FHIT: variants seen among roughly 807,000 people sequenced by gnomAD.
The protein encoded by FHIT is bis(5'-adenosyl)-triphosphatase.
A neutral mutation model predicts 17.9 loss-of-function variants in FHIT; 19 were observed. The observed-to-expected ratio is 1.06, with a 90% CI of 0.74 to 1.56. FHIT has a LOEUF of 1.56. Ranked by LOEUF, FHIT falls within the 40% of genes most tolerant of loss-of-function variation. The pLI is 0.00. For missense variants in FHIT, 248 were observed against 189.2 expected (o/e 1.31, Z -1.82); for synonymous variants, 81 against 69.7 (o/e 1.16, Z -0.81).
At chr3:60,113,542 A>G (rs1390917008) in intron 5 of FHIT, among the ~76,000 whole-genome samples, 1 of 151,870 alleles carries the variant, frequency 6.6e-6, no homozygotes, top group Non-Finnish European at 1.5e-5. Context: ...TGCATAAATC[A>G]GAAATCTTGG....
intron 2 of FHIT, among the ~76,000 whole-genome samples, chr3:61,185,383 G>A (rs9875365): frequency 0.22 from 33,639 of 152,088 alleles, 4,836 homozygotes; most frequent in East Asian, 0.71. Flanking sequence ...GCTTCATTCA[G>A]ATTATCCTCA....
chr3:60,988,522 C>T (rs766218093), intron 3 of FHIT, among the ~76,000 whole-genome samples: 3 of 152,082 alleles, frequency 2.0e-5, no homozygotes, highest in Non-Finnish European at 4.4e-5. Context: ...TGGAGCATAT[C>T]TGAGGAAACA....
At chr3:60,195,022 C>T (rs1702562730) in intron 5 of FHIT, among the ~76,000 whole-genome samples, 1 of 152,044 alleles carries the variant, frequency 6.6e-6, no homozygotes, top group Non-Finnish European at 1.5e-5. Flanking sequence ...AAACATTAGC[C>T]AGGCATAGCG....
chr3:59,985,465 C>T (rs1708854132), intron 7 of FHIT, among the ~76,000 whole-genome samples: 1 of 151,990 alleles, frequency 6.6e-6, no homozygotes, highest in African/African-American at 2.4e-5. Flanking sequence ...TATCCCTATT[C>T]CAAAAAATAA....
intron 4 of FHIT, among the ~76,000 whole-genome samples, chr3:60,581,015 A>G (rs148323610): frequency 3.3e-5 from 5 of 152,186 alleles, no homozygotes; most frequent in African/African-American, 9.6e-5. Flanking sequence ...TAGTTCTAAT[A>G]GGATTCCAGG....
rs186880752 is a variant in FHIT, at chr3:60,771,905, G to A, written c.-18+50014C>T. Among the ~76,000 whole-genome samples the A allele has an allele frequency of 4.4e-3, 672 of 152,270 alleles. 4 individuals are homozygous for A. Among genetic ancestry groups the A allele is most frequent in the African/African-American group, 0.015 (637 of 41,550 alleles). ...TCAAGAATTTTTATTAAGCCAAGAT[G>A]TCATCAAGCTGAAAATCTCAGACAC... On this transcript the variant is annotated intron_variant, in intron 4 of 9. Coordinates refer to ENST00000492590, the MANE Select transcript of FHIT (RefSeq NM_002012.4).
chr3:60,293,180 TGAGA>T (rs1708063718), intron 5 of FHIT, among the ~76,000 whole-genome samples: 1 of 152,132 alleles, frequency 6.6e-6, no homozygotes, highest in African/African-American at 2.4e-5. Flanking sequence ...TACATTTCTA[TGAGA>T]AAGAAGAGGA....
At chr3:59,933,285 TA>T (rs546759957) in intron 7 of FHIT, among the ~76,000 whole-genome samples, 8 of 152,262 alleles carry the variant, frequency 5.3e-5, no homozygotes, top group Admixed American at 3.9e-4. Flanking sequence ...TTCTTTCACA[TA>T]AGCCAAAAAG....
chr3:60,662,995 C>G lies in FHIT; in HGVS notation c.-17-126016G>C, dbSNP rs531165262. Among the ~76,000 whole-genome samples, 7 of 151,196 alleles carry G rather than the reference C, an allele frequency of 4.6e-5. No individual in the cohort carries two copies. In the East Asian group the frequency reaches 1.4e-3, roughly 30 times the overall value. On this transcript the variant is annotated intron_variant, in intron 4 of 9. Coordinates refer to ENST00000492590, the MANE Select transcript of FHIT (RefSeq NM_002012.4). ...CATCATTTGTTGAAAGGCTGGACTT[C>G]CTTCATTAAGTTGCTTTTGCATCTT...
intron 5 of FHIT, among the ~76,000 whole-genome samples, chr3:60,430,233 T>C (rs1004901514): frequency 9.2e-5 from 14 of 152,014 alleles, no homozygotes; most frequent in Non-Finnish European, 2.1e-4. Context: ...AGTAACCAGT[T>C]TACTCAAGTG....
At chr3:60,221,270 GT>G (rs1181613401) in intron 5 of FHIT, among the ~76,000 whole-genome samples, 5 of 151,990 alleles carry the variant, frequency 3.3e-5, no homozygotes, top group Admixed American at 6.6e-5. Flanking sequence ...TTTTCAGAAC[GT>G]TTTTTTCCTT....
chr3:59,835,728 C>T (rs1239608652), intron 8 of FHIT, among the ~76,000 whole-genome samples: 1 of 152,176 alleles, frequency 6.6e-6, no homozygotes, highest in Admixed American at 6.5e-5. Flanking sequence ...TGAGAAGACT[C>T]TCTTTGAGGT....
At chr3:60,449,189 AAATCTGCATTT>A (rs1362484211) in intron 5 of FHIT, among the ~76,000 whole-genome samples, 1 of 152,176 alleles carries the variant, frequency 6.6e-6, no homozygotes, top group Non-Finnish European at 1.5e-5. Context: ...TTCAAGCTGC[AAATCTGCATTT>A]CAGTGAACAA....
intron 5 of FHIT, among the ~76,000 whole-genome samples, chr3:60,194,505 A>C (rs1340888782): frequency 6.6e-6 from 1 of 151,964 alleles, no homozygotes; most frequent in Non-Finnish European, 1.5e-5. Context: ...CCTAGGAAAA[A>C]CTCTTCTGGA....
intron 8 of FHIT, among the ~76,000 whole-genome samples, chr3:59,897,768 T>C (rs1011398236): frequency 6.2e-4 from 90 of 146,014 alleles, no homozygotes; most frequent in African/African-American, 2.4e-3. Context: ...GAAACTTTTT[T>C]TTTCTTTTTT....
intron 5 of FHIT, among the ~76,000 whole-genome samples, chr3:60,272,722 G>A (rs1421031329): frequency 3.9e-5 from 6 of 152,206 alleles, no homozygotes; most frequent in African/African-American, 1.4e-4. Flanking sequence ...ACTCAGTTAA[G>A]AGGGAAGTGC....
At chr3:60,563,492 G>T (rs1182510090) in intron 4 of FHIT, among the ~76,000 whole-genome samples, 1 of 152,218 alleles carries the variant, frequency 6.6e-6, no homozygotes, top group South Asian at 2.1e-4. Flanking sequence ...AGTAAAGAAG[G>T]CATGCCAGAA....
chr3:61,091,207 AT>A (rs1187413109), intron 2 of FHIT, among the ~76,000 whole-genome samples: 1 of 152,220 alleles, frequency 6.6e-6, no homozygotes, highest in African/African-American at 2.4e-5. Flanking sequence ...CGATAAAAAA[AT>A]AAGGTATTAA....
chr3:60,067,659 C>T (rs1288498079), intron 5 of FHIT, among the ~76,000 whole-genome samples: 1 of 152,182 alleles, frequency 6.6e-6, no homozygotes, highest in Non-Finnish European at 1.5e-5. Context: ...GCGAAAGTCA[C>T]TTCTACAGCA....
Sources: gnomAD v4.1 joint callset for allele counts (sites outside exome capture counted in the v4.1 genomes callset) on GRCh38, gnomAD v4.1.1 for gene constraint, MANE v1.5 for transcripts, NCBI Gene and HGNC (gene_info 2026-07-23, HGNC 2026-07-21) for gene names.